The following THSD4 variants were observed in gnomAD, a reference collection of about 807,000 sequenced individuals.
THSD4 encodes thrombospondin type 1 domain containing 4.
In THSD4, 69 loss-of-function variants were observed where a neutral mutation model predicts 119.0. The ratio of observed to expected loss-of-function variants is 0.58; its 90% CI spans 0.48 to 0.71. The LOEUF (loss-of-function observed/expected upper bound fraction) is 0.71, where lower values mean the gene tolerates loss of function less well. Among genes scored for constraint, THSD4 ranks in the 30% least tolerant of loss-of-function variants. The pLI, the probability that THSD4 is intolerant of heterozygous loss-of-function variation, is 0.00. For synonymous variants in THSD4, 524 were observed against 540.4 expected, an observed-to-expected ratio of 0.97 and a Z score of 0.42; for missense variants, 1,393 against 1,391.1, an observed-to-expected ratio of 1.00 and a Z score of -0.02.
intron 1 of THSD4, among the ~76,000 whole-genome samples, chr15:71,139,169 A>G (rs950301305): frequency 1.3e-5 from 2 of 152,128 alleles, no homozygotes; most frequent in African/African-American, 4.8e-5. Context: ...ATGCCAGACC[A>G]TCCCTCTACA....
intron 2 of THSD4, among the ~76,000 whole-genome samples, chr15:71,142,035 G>C (rs1262781864): frequency 6.6e-6 from 1 of 152,020 alleles, no homozygotes; most frequent in Non-Finnish European, 1.5e-5. Flanking sequence ...CCCTGGAGGT[G>C]GGGTCAGATC....
chr15:71,404,880 T>A (rs911299229), intron 6 of THSD4, among the ~76,000 whole-genome samples: 10 of 122,626 alleles, frequency 8.2e-5, no homozygotes, highest in African/African-American at 2.7e-4. Context: ...CTTTCTTTTC[T>A]TTCTTTCTTT....
At chr15:71,129,324 A>G (rs554691785) in intron 1 of THSD4, among the ~76,000 whole-genome samples, 1 of 152,322 alleles carries the variant, frequency 6.6e-6, no homozygotes, top group East Asian at 1.9e-4. Context: ...ATTTCTCCAG[A>G]GTACACAGTT....
chr15:71,261,720 A>G (rs2044402230), intron 6 of THSD4, among the ~76,000 whole-genome samples: 1 of 152,192 alleles, frequency 6.6e-6, no homozygotes, highest in Non-Finnish European at 1.5e-5. Context: ...AAATCAGTGC[A>G]TACTTCTTTA....
chr15:71,171,718 G>T (rs907135419), intron 3 of THSD4, among the ~76,000 whole-genome samples: 2 of 152,166 alleles, frequency 1.3e-5, no homozygotes, highest in Non-Finnish European at 2.9e-5. Context: ...AGTAAATTAT[G>T]TATGACAGTA....
intron 3 of THSD4, among the ~76,000 whole-genome samples, chr15:71,198,440 G>T (rs775694688): frequency 2.0e-5 from 3 of 152,222 alleles, no homozygotes; most frequent in Non-Finnish European, 2.9e-5. Context: ...TTTGTAGTGA[G>T]CCTGTCTTAG....
chr15:71,402,237 A>AG (rs1345152623), intron 6 of THSD4, among the ~76,000 whole-genome samples: 1 of 151,946 alleles, frequency 6.6e-6, no homozygotes, highest in Admixed American at 6.6e-5. Flanking sequence ...ATTAAAAAAA[A>AG]AAAGAAAATG....
chr15:71,134,061 G>A (rs191627833), intron 1 of THSD4, among the ~76,000 whole-genome samples: 3 of 152,266 alleles, frequency 2.0e-5, no homozygotes, highest in Admixed American at 1.3e-4. Flanking sequence ...GGGTTTTCAC[G>A]CTGCTCTGGG....
rs548629349 is a variant in THSD4 at position 71,596,759 on chromosome 15, C to T, written c.1153-63771C>T. 1.3e-4 allele frequency among the ~76,000 whole-genome samples: 20 copies of T among 152,336 alleles called. 1 individual carries two copies. In the East Asian group the frequency reaches 1.3e-3, roughly 10 times the overall value. Reference sequence around the variant, plus strand: ...CATGGTAGGGTTAGAATCCTGCGGGCCTCCTGGCTGGGGAGCGCAGCTCTG... The same window carrying T: ...CATGGTAGGGTTAGAATCCTGCGGGTCTCCTGGCTGGGGAGCGCAGCTCTG... On this transcript the variant is annotated intron_variant, in intron 7 of 17. Transcript: ENST00000261862.
intron 8 of THSD4, among the ~76,000 whole-genome samples, chr15:71,721,632 T>G (rs2052724728): frequency 1.3e-5 from 2 of 152,186 alleles, no homozygotes; most frequent in South Asian, 4.2e-4. Context: ...ATTGTGCCAC[T>G]GCACTCCAAC....
chr15:71,325,886 C>A (rs1227249371), intron 6 of THSD4, among the ~76,000 whole-genome samples: 15 of 152,194 alleles, frequency 9.9e-5, no homozygotes, highest in African/African-American at 3.4e-4. Flanking sequence ...AAAACCAGAA[C>A]CAAAAAAGCC....
intron 6 of THSD4, among the ~76,000 whole-genome samples, chr15:71,363,102 G>T (rs1398694345): frequency 6.6e-6 from 1 of 152,160 alleles, no homozygotes; most frequent in Admixed American, 6.5e-5. Flanking sequence ...GGACAAGCTT[G>T]CTGTAAAGGG....
chr15:71,432,263 A>T (rs535853386), intron 7 of THSD4, among the ~76,000 whole-genome samples: 1 of 152,356 alleles, frequency 6.6e-6, no homozygotes, highest in East Asian at 1.9e-4. Flanking sequence ...AATGTTCAAA[A>T]GTAGTTCAAG....
At chr15:71,523,785 A>G (rs567683784) in intron 7 of THSD4, among the ~76,000 whole-genome samples, 1 of 152,338 alleles carries the variant, frequency 6.6e-6, no homozygotes, top group South Asian at 2.1e-4. Flanking sequence ...TCAGTAAGAG[A>G]AAGAGAAAAT....
At chr15:71,592,945 T>C (rs1456831848) in intron 7 of THSD4, among the ~76,000 whole-genome samples, 1 of 152,080 alleles carries the variant, frequency 6.6e-6, no homozygotes, top group African/African-American at 2.4e-5. Flanking sequence ...TGCAGAGCAG[T>C]TGGAATGTTG....
chr15:71,329,624 C>G (rs1355450926), intron 6 of THSD4, among the ~76,000 whole-genome samples: 1 of 152,152 alleles, frequency 6.6e-6, no homozygotes, highest in Non-Finnish European at 1.5e-5. Flanking sequence ...GCTGGACATT[C>G]CCGAGACGCC....
intron 8 of THSD4, among the ~76,000 whole-genome samples, chr15:71,679,370 T>C (rs968857262): frequency 2.6e-5 from 4 of 152,190 alleles, no homozygotes; most frequent in Admixed American, 6.5e-5. Flanking sequence ...TTGGCCTCTG[T>C]TACAGCTACT....
chr15:71,226,565 G>A (rs1408170850), intron 4 of THSD4, among the ~76,000 whole-genome samples: 3 of 152,172 alleles, frequency 2.0e-5, no homozygotes, highest in Non-Finnish European at 4.4e-5. Flanking sequence ...TGCTTTGTTG[G>A]AGGCTACTTG....
rs115384611 is a variant in THSD4 at position 71,750,662 on chromosome 15, A to G, written c.2415+2068A>G. Reference sequence around the variant, plus strand: ...TTGGTGCAAATACTGAGCTTCCAAGATGAGCATCTGACTGTGCCCCCAGTC... The same window carrying G: ...TTGGTGCAAATACTGAGCTTCCAAGGTGAGCATCTGACTGTGCCCCCAGTC... On this transcript the variant is annotated intron_variant, in intron 14 of 17. Transcript: ENST00000261862. Among the ~76,000 whole-genome samples, 885 of 152,302 alleles carry G rather than the reference A, an allele frequency of 5.8e-3. 11 individuals carry two copies. Among genetic ancestry groups the G allele is most frequent in the African/African-American group, 0.019 (805 of 41,554 alleles).
Sources: allele counts gnomAD v4.1 joint callset (sites outside exome capture counted in the v4.1 genomes callset), GRCh38; gene constraint gnomAD v4.1.1; transcripts MANE v1.5; gene names NCBI Gene and HGNC (gene_info 2026-07-23, HGNC 2026-07-21).